Variants in ELAVL2 observed in about 807,000 individuals in gnomAD.
ELAVL2 encodes the protein ELAV-like protein 2.
In ELAVL2, 4 loss-of-function variants were observed where a neutral mutation model predicts 34.6. The observed-to-expected ratio is 0.12, with a 90% CI of 0.06 to 0.26. The LOEUF is 0.26. Among genes scored for constraint, ELAVL2 ranks in the 10% least tolerant of loss-of-function variants. ELAVL2 has a pLI of 1.00. For synonymous variants in ELAVL2, 193 were observed against 154.8 expected (o/e 1.25, Z -1.83); for missense variants, 432 against 442.8 (o/e 0.98, Z 0.22).
the ELAVL2 span, among the ~76,000 whole-genome samples, chr9:23,848,102 T>C: frequency 6.6e-6 from 1 of 152,080 alleles, no homozygotes; most frequent in African/African-American, 2.4e-5. Flanking sequence ...ATTATTTCTT[T>C]GTTTAGCACT....
At chr9:23,698,191 A>C (rs1711040936) in intron 5 of ELAVL2, among the ~76,000 whole-genome samples, 1 of 152,218 alleles carries the variant, frequency 6.6e-6, no homozygotes, top group African/African-American at 2.4e-5. Flanking sequence ...ACAGAAAAGA[A>C]CATGAAAAAA....
rs184237214 is a variant in ELAVL2, at chr9:23,798,700, T to C, written c.-16+27106A>G. Among the ~76,000 whole-genome samples, 34 of 152,316 alleles carry C rather than the reference T, an allele frequency of 2.2e-4. No homozygotes were observed. The East Asian group carries it at 6.2e-3, about 28-fold the overall frequency. ...AGACGAGGGAGGAGTCAGATTTTTC[T>C]GTTCCTATCCTTCAAAACCACAAGC... is the stretch of plus-strand genomic sequence containing the variant. On this transcript the variant is annotated intron_variant, in intron 1 of 6. Transcript: ENST00000397312.
chr9:23,727,233 A>G (rs1454300913), intron 3 of ELAVL2, among the ~76,000 whole-genome samples: 5 of 152,104 alleles, frequency 3.3e-5, no homozygotes, highest in African/African-American at 1.2e-4. Context: ...CAGGAAAAAA[A>G]GTGACCTTTA....
At chr9:23,848,865 T>C in the ELAVL2 span, among the ~76,000 whole-genome samples, 3 of 152,202 alleles carry the variant, frequency 2.0e-5, no homozygotes, top group Non-Finnish European at 4.4e-5. Flanking sequence ...AAAACTTAGA[T>C]GGCCTTGCCT....
chr9:23,727,715 G>A (rs1273050830), intron 3 of ELAVL2, among the ~76,000 whole-genome samples: 1 of 152,142 alleles, frequency 6.6e-6, no homozygotes, highest in South Asian at 2.1e-4. Context: ...TGCAACCAAA[G>A]TTTGGGAACA....
Position 23,698,016 on chromosome 9 carries a change from C to T in ELAVL2, c.713+3363G>A, listed in dbSNP as rs191999615. 2.6e-5 allele frequency among the ~76,000 whole-genome samples: 4 copies of T among 152,054 alleles called. No individual in the cohort carries two copies. In the East Asian group the frequency reaches 5.8e-4, roughly 22 times the overall value. ...GAAAAGTATTCAAGGGGATTGATAC[C>T]GGTTTCTTCCAAAAGGAAATTGTGA... On this transcript the variant is annotated intron_variant, in intron 5 of 6. Transcript: ENST00000397312.
intron 3 of ELAVL2, among the ~76,000 whole-genome samples, chr9:23,718,997 G>C (rs559360487): frequency 6.6e-6 from 1 of 152,268 alleles, no homozygotes; most frequent in South Asian, 2.1e-4. Flanking sequence ...TTAAAAGAAA[G>C]AGTTTTTAAG....
At chr9:23,761,140 A>C (rs910111274) in intron 2 of ELAVL2, among the ~76,000 whole-genome samples, 2 of 152,024 alleles carry the variant, frequency 1.3e-5, no homozygotes, top group African/African-American at 4.8e-5. Context: ...ATTCCATTTT[A>C]TATTTTTGGT....
chr9:23,799,040 G>A (rs542871979), intron 1 of ELAVL2, among the ~76,000 whole-genome samples: 2 of 152,224 alleles, frequency 1.3e-5, no homozygotes, highest in South Asian at 4.2e-4. Flanking sequence ...AAGGATGGAA[G>A]AACTATTAAA....
chr9:23,800,151 G>C (rs951296273), intron 1 of ELAVL2, among the ~76,000 whole-genome samples: 2 of 152,132 alleles, frequency 1.3e-5, no homozygotes, highest in African/African-American at 4.8e-5. Context: ...CTAATAATGA[G>C]GGCTTCACCA....
intron 1 of ELAVL2, among the ~76,000 whole-genome samples, chr9:23,764,091 G>A (rs1021664952): frequency 6.6e-6 from 1 of 152,030 alleles, no homozygotes; most frequent in African/African-American, 2.4e-5. Flanking sequence ...TTAGCTGTGG[G>A]TCACTCTTTT....
At chr9:23,809,044 A>C (rs1337671951) in intron 1 of ELAVL2, among the ~76,000 whole-genome samples, 3 of 152,190 alleles carry the variant, frequency 2.0e-5, no homozygotes, top group Non-Finnish European at 4.4e-5. Flanking sequence ...AAATGTGATG[A>C]TGAGTAAAAT....
chr9:23,828,341 T>C (rs1208112899), upstream of ELAVL2, among the ~76,000 whole-genome samples: 1 of 152,196 alleles, frequency 6.6e-6, no homozygotes, highest in Non-Finnish European at 1.5e-5. Context: ...ATAATTTCAG[T>C]ACATTGAAGT....
intron 3 of ELAVL2, among the ~76,000 whole-genome samples, chr9:23,711,603 G>T (rs2040974548): frequency 6.6e-6 from 1 of 152,236 alleles, no homozygotes; most frequent in Admixed American, 6.5e-5. Flanking sequence ...GACACCTCAT[G>T]GGTATCACCT....
chr9:23,702,979 A>AAAAAAAAAAAC (rs2037970345), intron 4 of ELAVL2, among the ~76,000 whole-genome samples: 1 of 128,800 alleles, frequency 7.8e-6, no homozygotes, highest in Non-Finnish European at 1.6e-5. Flanking sequence ...AAAAAAAAAA[A>AAAAAAAAAAAC]AACAGCCTCT....
chr9:23,742,304 T>C (rs1020303202), intron 2 of ELAVL2, among the ~76,000 whole-genome samples: 4 of 152,332 alleles, frequency 2.6e-5, no homozygotes, highest in Non-Finnish European at 5.9e-5. Flanking sequence ...GCTGCTATTA[T>C]GAGTGGACAA....
chr9:23,797,675 C>T (rs1037627680), intron 1 of ELAVL2, among the ~76,000 whole-genome samples: 2 of 152,194 alleles, frequency 1.3e-5, no homozygotes, highest in Non-Finnish European at 2.9e-5. Context: ...CGCCTGTAAT[C>T]CCAGTACTTT....
intron 2 of ELAVL2, among the ~76,000 whole-genome samples, chr9:23,756,608 G>T (rs1458094699): frequency 6.6e-6 from 1 of 152,000 alleles, no homozygotes; most frequent in Non-Finnish European, 1.5e-5. Flanking sequence ...CAACATATCA[G>T]ATCAGTAAGG....
the ELAVL2 span, among the ~76,000 whole-genome samples, chr9:23,832,772 G>C: frequency 6.6e-6 from 1 of 152,020 alleles, no homozygotes; most frequent in Non-Finnish European, 1.5e-5. Context: ...AAATGTGATC[G>C]ATCTCAGAAT....
Sources: allele counts gnomAD v4.1 joint callset (sites outside exome capture counted in the v4.1 genomes callset), GRCh38; gene constraint gnomAD v4.1.1; transcripts MANE v1.5; gene names NCBI Gene and HGNC (gene_info 2026-07-23, HGNC 2026-07-21).